The following UST variants were observed in gnomAD, a reference collection of about 807,000 sequenced individuals.
The protein encoded by UST is uronyl 2-sulfotransferase, also known as chondroitin sulfate 2-O-sulfotransferase.
UST carries 21 observed loss-of-function variants against 45.6 expected under a neutral mutation model. The ratio of observed to expected loss-of-function variants is 0.46; its 90% confidence interval spans 0.33 to 0.66. The LOEUF is 0.66. UST is among the 30% of genes least tolerant of loss of function. UST has a pLI of 0.02. For synonymous variants in UST, 215 were observed against 200.6 expected (o/e 1.07, Z -0.61); for missense variants, 463 against 512.4 (o/e 0.90, Z 0.93).
intron 5 of UST, among the ~76,000 whole-genome samples, chr6:149,017,529 C>A (rs1775921324): frequency 6.6e-6 from 1 of 152,088 alleles, no homozygotes; most frequent in Non-Finnish European, 1.5e-5. Flanking sequence ...CCTTCCAGAT[C>A]CTTTTGTGTT....
intron 1 of UST, among the ~76,000 whole-genome samples, chr6:148,751,671 G>A (rs919936250): frequency 1.3e-5 from 2 of 152,102 alleles, no homozygotes; most frequent in South Asian, 2.1e-4. Context: ...ATACATTGGG[G>A]TAAATAGAAA....
chr6:148,994,415 A>G (rs988514341), intron 5 of UST, among the ~76,000 whole-genome samples: 5 of 152,160 alleles, frequency 3.3e-5, no homozygotes, highest in African/African-American at 1.2e-4. Flanking sequence ...ATAGTGGAAA[A>G]CTGCTGATAA....
intron 1 of UST, among the ~76,000 whole-genome samples, chr6:148,845,444 A>G (rs1777969355): frequency 6.6e-6 from 1 of 152,086 alleles, no homozygotes; most frequent in Non-Finnish European, 1.5e-5. Context: ...TGGTTCATTG[A>G]TTTTTATTGC....
chr6:148,900,476 G>C (rs1355263300), intron 2 of UST, among the ~76,000 whole-genome samples: 1 of 152,128 alleles, frequency 6.6e-6, no homozygotes, highest in South Asian at 2.1e-4. Flanking sequence ...TTATCAAGGG[G>C]CGTTTCCCTG....
chr6:149,055,614 C>G (rs751107725), intron 7 of UST, among the ~76,000 whole-genome samples: 1 of 152,158 alleles, frequency 6.6e-6, no homozygotes, highest in Non-Finnish European at 1.5e-5. Context: ...TACCTTTGAG[C>G]ACGTTTCTTA....
At chr6:148,950,696 GC>G (rs906203848) in intron 3 of UST, among the ~76,000 whole-genome samples, 1 of 152,252 alleles carries the variant, frequency 6.6e-6, no homozygotes, top group African/African-American at 2.4e-5. Flanking sequence ...ACTCCTCTAG[GC>G]CCTTCCAGAC....
At chr6:148,885,989 C>A (rs1778905476) in intron 1 of UST, among the ~76,000 whole-genome samples, 1 of 152,226 alleles carries the variant, frequency 6.6e-6, no homozygotes, top group Non-Finnish European at 1.5e-5. Flanking sequence ...TTTCCCTAGA[C>A]TCACAAGAGT....
intron 5 of UST, among the ~76,000 whole-genome samples, chr6:149,007,045 C>T (rs1775725463): frequency 6.6e-6 from 1 of 151,568 alleles, no homozygotes; most frequent in African/African-American, 2.4e-5. Flanking sequence ...AAAATCATGG[C>T]TAACTTCATG....
At chr6:148,999,382 C>T (rs1781506481) in intron 5 of UST, among the ~76,000 whole-genome samples, 1 of 152,140 alleles carries the variant, frequency 6.6e-6, no homozygotes, top group Non-Finnish European at 1.5e-5. Context: ...TGGGTGGATA[C>T]CGTAATACAG....
chr6:148,795,006 C>T (rs1308188645), intron 1 of UST, among the ~76,000 whole-genome samples: 4 of 152,170 alleles, frequency 2.6e-5, no homozygotes, highest in Non-Finnish European at 4.4e-5. Context: ...AAGACTGACT[C>T]ATGTTGTTTT....
chr6:148,806,384 G>C (rs373129241), intron 1 of UST, among the ~76,000 whole-genome samples: 63 of 152,054 alleles, frequency 4.1e-4, no homozygotes, highest in African/African-American at 1.4e-3. Flanking sequence ...TGTCACCCAG[G>C]CTGGAGTGCA....
At chr6:148,964,287 G>A (rs1320323981) in intron 4 of UST, 123 bp from the exon 5 acceptor site, 4 of 1,174,740 alleles carry the variant, frequency 3.4e-6, no homozygotes, top group Non-Finnish European at 4.8e-6. Flanking sequence ...CGTGTCATTG[G>A]CACCTTAGCA....
chr6:148,788,243 C>T (rs1776772095), intron 1 of UST, among the ~76,000 whole-genome samples: 1 of 152,114 alleles, frequency 6.6e-6, no homozygotes, highest in African/African-American at 2.4e-5. Flanking sequence ...AATTGTCTCC[C>T]TCTGGGTCCC....
At chr6:148,978,025 TTTG>T (rs1459017203) in intron 5 of UST, among the ~76,000 whole-genome samples, 3 of 152,288 alleles carry the variant, frequency 2.0e-5, no homozygotes, top group South Asian at 4.1e-4. Context: ...AGATATTTGG[TTTG>T]TTGTTGTTGT....
chr6:148,772,773 C>T (rs1481698306), intron 1 of UST, among the ~76,000 whole-genome samples: 1 of 152,076 alleles, frequency 6.6e-6, no homozygotes, highest in East Asian at 1.9e-4. Flanking sequence ...GAGATCTGGG[C>T]CAGAATCTTT....
intron 7 of UST, among the ~76,000 whole-genome samples, chr6:149,050,407 G>A (rs752029812): frequency 5.9e-5 from 9 of 152,194 alleles, no homozygotes; most frequent in Non-Finnish European, 1.0e-4. Flanking sequence ...GATTACAGAT[G>A]GCACCTAATA....
In UST at chr6:148,793,216, A is replaced by AT. The variant is rs201508926; in HGVS notation, c.247+45547dup. 8.6e-5 allele frequency among the ~76,000 whole-genome samples: 13 copies of AT among 152,038 alleles called. No homozygotes were observed. In the East Asian group the frequency reaches 2.5e-3, roughly 29 times the overall value. On this transcript the variant is annotated intron_variant, in intron 1 of 7. Coordinates refer to ENST00000367463, the MANE Select transcript of UST (RefSeq NM_005715.3). ...TGGGTGAAGAGATTATGAGCAAGTA[A>AT]TTTTTTTTATGTGTATTTTTAATAT... is the stretch of plus-strand genomic sequence containing the variant.
At chr6:148,832,343 A>G (rs62426079) in intron 1 of UST, among the ~76,000 whole-genome samples, 11,359 of 152,296 alleles carry the variant, frequency 0.075, 496 homozygotes, top group Non-Finnish European at 0.11. Flanking sequence ...TCTTTATTGA[A>G]ATCATCCAAA....
At chr6:149,072,524 A>G (rs541859877) in intron 7 of UST, among the ~76,000 whole-genome samples, 17 of 152,152 alleles carry the variant, frequency 1.1e-4, no homozygotes, top group African/African-American at 3.9e-4. Flanking sequence ...ATGGTGGTGC[A>G]TGCCTGTAAT....
Sources: gnomAD v4.1 joint callset for allele counts (sites outside exome capture counted in the v4.1 genomes callset) on GRCh38, gnomAD v4.1.1 for gene constraint, MANE v1.5 for transcripts, NCBI Gene and HGNC (gene_info 2026-07-23, HGNC 2026-07-21) for gene names.